GYPC: variants seen among roughly 807,000 people sequenced by gnomAD.
GYPC encodes glycophorin C (Gerbich blood group).
GYPC carries 14 observed loss-of-function variants against 12.6 expected under a neutral mutation model. That is an observed-to-expected ratio of 1.11 (90% CI 0.74 to 1.74). The LOEUF is 1.74. Among genes scored for constraint, GYPC ranks in the 40% most tolerant of loss-of-function variants. The pLI, the probability that GYPC is intolerant of heterozygous loss-of-function variation, is 0.00. For synonymous variants in GYPC, 78 were observed against 62.1 expected, an observed-to-expected ratio of 1.26 and a Z score of -1.20; for missense variants, 225 against 172.1, an observed-to-expected ratio of 1.31 and a Z score of -1.72.
At chr2:126,664,203 A>G (rs1682619497) in intron 1 of GYPC, among the ~76,000 whole-genome samples, 1 of 151,650 alleles carries the variant, frequency 6.6e-6, no homozygotes, top group Non-Finnish European at 1.5e-5. Context: ...AAAAATTTTC[A>G]TAGTCTTTTT....
At position 126,656,181 on chromosome 2, in the gene GYPC, G is replaced by A. The variant is rs1029846286; in HGVS notation, c.-83G>A. 1.9e-5 allele frequency: 29 copies of A among 1,526,816 alleles called. No homozygotes were observed. Among genetic ancestry groups the A allele is most frequent in the Middle Eastern group, 2.3e-4 (1 of 4,314 alleles). 94.6% of individuals were successfully genotyped at this position (1,526,816 alleles called of 1,614,324 possible). A position where few individuals can be genotyped will look rare whatever the true frequency, so the allele number is the denominator to read the frequency against. On this transcript the variant is annotated 5_prime_UTR_variant, in exon 1 of 4. Transcript: ENST00000259254. Reference sequence around the variant, plus strand: ...TTCCTCTCGCCGCCGAGGGTCAGGAGCCCGGGAGCGCGACCCTCCCCCGGC... The same window carrying A: ...TTCCTCTCGCCGCCGAGGGTCAGGAACCCGGGAGCGCGACCCTCCCCCGGC...
At chr2:126,680,411 C>T (rs1045937026) in intron 1 of GYPC, 2 of 152,244 alleles carry the variant, frequency 1.3e-5, no homozygotes, top group Non-Finnish European at 2.9e-5. Flanking sequence ...TGGCAGCGGA[C>T]TCTCAATGAG....
At chr2:126,661,986 C>T (rs939240844) in intron 1 of GYPC, among the ~76,000 whole-genome samples, 12 of 152,330 alleles carry the variant, frequency 7.9e-5, no homozygotes, top group African/African-American at 2.6e-4. Flanking sequence ...GACACATCCT[C>T]GCAGAGAGCC....
chr2:126,687,746 A>G (rs1014435804), intron 1 of GYPC, among the ~76,000 whole-genome samples: 3 of 152,176 alleles, frequency 2.0e-5, no homozygotes, highest in African/African-American at 4.8e-5. Flanking sequence ...TGGTCTCCCA[A>G]TGAGGCCCCG....
intron 1 of GYPC, among the ~76,000 whole-genome samples, chr2:126,668,209 G>A (rs1193037252): frequency 1.3e-5 from 2 of 152,078 alleles, no homozygotes; most frequent in East Asian, 1.9e-4. Context: ...GACTTTTTTT[G>A]CAGCAGTGGC....
At chr2:126,668,314 C>T (rs1682743188) in intron 1 of GYPC, among the ~76,000 whole-genome samples, 1 of 152,130 alleles carries the variant, frequency 6.6e-6, no homozygotes, top group African/African-American at 2.4e-5. Flanking sequence ...GCCTGGTGGC[C>T]ACACCCCCAG....
intron 1 of GYPC, chr2:126,680,370 G>A (rs1183703116): frequency 6.6e-6 from 1 of 152,092 alleles, no homozygotes; most frequent in Non-Finnish European, 1.5e-5. Context: ...AAAATCCAAG[G>A]GACAACCCGG....
chr2:126,675,801 A>G, intron 1 of GYPC: 1 of 360,304 alleles, frequency 2.8e-6, no homozygotes, highest in Non-Finnish European at 3.9e-6. Context: ...ATGGTGGAAG[A>G]AGTAATAAGA....
intron 1 of GYPC, among the ~76,000 whole-genome samples, chr2:126,667,453 G>T (rs1330945648): frequency 1.3e-5 from 2 of 151,042 alleles, no homozygotes; most frequent in Non-Finnish European, 3.0e-5. Flanking sequence ...GCACAGGCTG[G>T]GGTGCAGTGG....
chr2:126,660,309 C>G (rs1188323576), intron 1 of GYPC, among the ~76,000 whole-genome samples: 1 of 152,272 alleles, frequency 6.6e-6, no homozygotes, highest in Non-Finnish European at 1.5e-5. Context: ...CTCTGGGCTG[C>G]TGCTGCCCTT....
chr2:126,658,960 AG>A (rs1682447793), intron 1 of GYPC, among the ~76,000 whole-genome samples: 1 of 152,196 alleles, frequency 6.6e-6, no homozygotes, highest in African/African-American at 2.4e-5. Context: ...GTAAACTGTT[AG>A]GATAAATTCT....
intron 1 of GYPC, among the ~76,000 whole-genome samples, 172 bp downstream of exon 1, chr2:126,656,484 G>A (rs1317258302): frequency 1.4e-4 from 21 of 152,170 alleles, no homozygotes; most frequent in Admixed American, 1.4e-3. Flanking sequence ...CCGGTTCCCC[G>A]GCGCCTGGGC....
chr2:126,684,959 T>C lies in GYPC; in HGVS notation c.50-5296T>C, dbSNP rs1472112085. 3.9e-5 allele frequency among the ~76,000 whole-genome samples: 6 copies of C among 152,202 alleles called. No homozygotes were observed. The East Asian group carries it at 1.2e-3, about 29-fold the overall frequency. The stretch of plus-strand genomic sequence containing the variant: ...TATTCTCCTCTCCCCTGTAACTCTG[T>C]GGCTGAATAAATGCTAACTGCTTAG... On this transcript the variant is annotated intron_variant, in intron 1 of 3. Coordinates refer to ENST00000259254, the MANE Select transcript of GYPC (RefSeq NM_002101.5).
At chr2:126,669,314 A>G (rs898968281) in intron 1 of GYPC, among the ~76,000 whole-genome samples, 1 of 152,140 alleles carries the variant, frequency 6.6e-6, no homozygotes, top group African/African-American at 2.4e-5. Context: ...CTGCGAGTGG[A>G]TGCTCCAGGC....
chr2:126,682,808 C>A, intron 1 of GYPC, among the ~76,000 whole-genome samples: 1 of 152,208 alleles, frequency 6.6e-6, no homozygotes, highest in African/African-American at 2.4e-5. Context: ...TGACCCCAGA[C>A]ACCCCCTCCA....
At chr2:126,669,035 C>A (rs934818179) in intron 1 of GYPC, among the ~76,000 whole-genome samples, 2 of 152,176 alleles carry the variant, frequency 1.3e-5, no homozygotes, top group Admixed American at 6.5e-5. Context: ...ATTCCCCCAA[C>A]GTAAATGGGT....
intron 1 of GYPC, among the ~76,000 whole-genome samples, chr2:126,682,239 G>A (rs1683168722): frequency 6.6e-6 from 1 of 152,210 alleles, no homozygotes; most frequent in Non-Finnish European, 1.5e-5. Flanking sequence ...TGCCTCACTG[G>A]AGCTCAGCTA....
chr2:126,690,403 G>A (rs776257632), intron 2 of GYPC, 92 bp downstream of exon 2: 75 of 987,764 alleles, frequency 7.6e-5, no homozygotes, highest in South Asian at 5.2e-4. Flanking sequence ...GCCAGGGTTG[G>A]GGGACTTGGT....
At chr2:126,685,735 C>T in intron 1 of GYPC, 1 of 971,042 alleles carries the variant, frequency 1.0e-6, no homozygotes, top group Non-Finnish European at 1.2e-6. Context: ...ATTGAACACT[C>T]CAGGTAACTG....
Sources: gnomAD v4.1 joint callset for allele counts (sites outside exome capture counted in the v4.1 genomes callset) on GRCh38, gnomAD v4.1.1 for gene constraint, MANE v1.5 for transcripts, NCBI Gene and HGNC (gene_info 2026-07-23, HGNC 2026-07-21) for gene names.